Variants in KIF26A observed in about 807,000 individuals in gnomAD.
The protein encoded by KIF26A is kinesin-like protein KIF26A.
A neutral mutation model predicts 126.0 loss-of-function variants in KIF26A; 74 were observed. The ratio of observed to expected loss-of-function variants is 0.59; its 90% confidence interval spans 0.49 to 0.71. The LOEUF (loss-of-function observed/expected upper bound fraction) is 0.71, where lower values mean the gene tolerates loss of function less well. Among genes scored for constraint, KIF26A ranks in the 30% least tolerant of loss-of-function variants. KIF26A has a pLI of 0.00. For synonymous variants in KIF26A, 1,445 were observed against 1,232.7 expected, an observed-to-expected ratio of 1.17 and a Z score of -3.61; for missense variants, 2,984 against 2,763.3, an observed-to-expected ratio of 1.08 and a Z score of -1.79.
intron 5 of KIF26A, among the ~76,000 whole-genome samples, chr14:104,169,816 G>A (rs2037940458): frequency 6.6e-6 from 1 of 152,188 alleles, no homozygotes. Context: ...TTCTCTCCCA[G>A]GCAGCTATTC....
At chr14:104,160,373 G>T (rs1286185454) in intron 4 of KIF26A, among the ~76,000 whole-genome samples, 1 of 152,198 alleles carries the variant, frequency 6.6e-6, no homozygotes, top group Non-Finnish European at 1.5e-5. Context: ...GATCCTTTCA[G>T]TGGCCTCTGG....
In KIF26A at chr14:104,172,585, G is replaced by A; in HGVS notation, c.1337G>A (p.Cys446Tyr). 2 of 1,612,760 alleles carry A rather than the reference G, an allele frequency of 1.2e-6. No individual in the cohort carries two copies. Among genetic ancestry groups the A allele is most frequent in the Non-Finnish European group, 1.7e-6 (2 of 1,179,568 alleles). ...CTCTTGCCCCCCTAGGCCGAAGTCT[G>A]CTCGGGGACCGTGGCCGACGTGCTC... The part of the protein sequence containing the change: ...FPQDSEQAEV[C>Y]SGTVADVLQS... The change falls in exon 7 of 15, where the codon TGC becomes TAC. Residue 446 changes from cysteine to tyrosine, a missense_variant. Coordinates refer to ENST00000423312, the MANE Select transcript of KIF26A (RefSeq NM_015656.2).
At chr14:104,164,969 G>A (rs1439714492) in intron 4 of KIF26A, among the ~76,000 whole-genome samples, 1 of 151,772 alleles carries the variant, frequency 6.6e-6, no homozygotes, top group African/African-American at 2.4e-5. Context: ...GTGTCTCTAT[G>A]TGTGCGTCTC....
At position 104,175,573 on chromosome 14, in the gene KIF26A, G is replaced by A. The variant is rs745701613; in HGVS notation, c.2785G>A (p.Ala929Thr). ...VWGDQREDSS[A>T]WPELLVPEKA... ...GGGTGACCAGAGAGAGGACAGCAGCGCTTGGCCTGAGCTGCTGGTCCCGGA... is the reference window on the plus strand; with the variant it reads ...GGGTGACCAGAGAGAGGACAGCAGCACTTGGCCTGAGCTGCTGGTCCCGGA... The change falls in exon 12 of 15, where the codon GCT (alanine) becomes ACT (threonine). Residue 929 changes from alanine (A) to threonine (T), a missense_variant. By Grantham distance (58) the Ala-to-Thr change is moderately conservative (BLOSUM62 0). Transcript: ENST00000423312. The A allele has an allele frequency of 2.5e-6, 4 of 1,607,438 alleles. No homozygotes were observed. Among genetic ancestry groups the A allele is most frequent in the Non-Finnish European group, 3.4e-6 (4 of 1,179,518 alleles).
chr14:104,178,542 C>T lies in KIF26A; in HGVS notation c.5111-8C>T, dbSNP rs370010994. 699 of 1,450,968 alleles carry T rather than the reference C, an allele frequency of 4.8e-4. No individual in the cohort carries two copies. The highest frequency in any genetic ancestry group is 5.5e-4 in the Non-Finnish European group (604 of 1,099,628). 89.9% of individuals were successfully genotyped at this position (1,450,968 alleles called of 1,614,324 possible). On this transcript the variant is annotated splice_region_variant and splice_polypyrimidine_tract_variant and intron_variant, in intron 12 of 14. Transcript: ENST00000423312. ...TCTGTTCACCCTGTGCCCGGCTCTC[C>T]GTTCCAGGTCTGCAGCGGCGGCGCC...
In KIF26A at chr14:104,152,536, C is replaced by A; in HGVS notation, c.735+75C>A. The stretch of plus-strand genomic sequence containing the variant: ...TGGGCTTCCTTCGGGGGTCTCTGTC[C>A]ACGTTGAGTGCCCTGCAGTAAGGCT... On this transcript the variant is annotated intron_variant, in intron 3 of 14. Transcript: ENST00000423312. The surrounding 1 kb of genome is among the most constrained non-coding windows in gnomAD (Gnocchi z 5.9). 7.2e-7 allele frequency: 1 copy of A among 1,382,060 alleles called. No individual in the cohort carries two copies. Among genetic ancestry groups the A allele is most frequent in the Non-Finnish European group, 9.6e-7 (1 of 1,036,594 alleles). 85.6% of individuals were successfully genotyped at this position (1,382,060 alleles called of 1,614,324 possible).
rs771349955 is a variant in KIF26A at position 104,177,163 on chromosome 14, C to T, written c.4375C>T (p.Pro1459Ser). ...GGGCCGGGAAGCCCCTGGGCGGCCT[C>T]CCCGGGCTGTACCCAAGCTGGGTGT... Reference protein sequence around the residue: ...SKGREAPGRPPRAVPKLGVPP... With the variant: ...SKGREAPGRPSRAVPKLGVPP... The change falls in exon 12 of 15, where the codon CCC becomes TCC. Residue 1459 changes from proline to serine, a missense_variant. Physicochemically the swap from Pro to Ser is moderately conservative, Grantham distance 74. Coordinates refer to ENST00000423312, the MANE Select transcript of KIF26A (RefSeq NM_015656.2). The T allele has an allele frequency of 1.9e-6, 3 of 1,597,384 alleles. No homozygotes were observed. The highest frequency in any genetic ancestry group is 2.5e-6 in the Non-Finnish European group (3 of 1,179,078).
intron 5 of KIF26A, among the ~76,000 whole-genome samples, 197 bp from the exon 6 acceptor site, chr14:104,171,526 C>A (rs1207360063): frequency 6.6e-6 from 1 of 152,242 alleles, no homozygotes; most frequent in East Asian, 1.9e-4. Flanking sequence ...CTGGCCCTCA[C>A]CTTCTCCCTG....
At chr14:104,169,240 C>T (rs376951156) in intron 5 of KIF26A, among the ~76,000 whole-genome samples, 2 of 152,352 alleles carry the variant, frequency 1.3e-5, no homozygotes, top group South Asian at 2.1e-4. Flanking sequence ...CATCCAGGTT[C>T]CCCGCCCAGC....
rs767202398 is a variant in KIF26A at position 104,175,886 on chromosome 14, T to C, written c.3098T>C (p.Val1033Ala). ...PVELNGEDEL[V>A]FTVVEELSLG... ...GAGCTCAACGGCGAGGACGAGCTGG[T>C]GTTCACGGTGGTGGAGGAGCTGTCC... The change falls in exon 12 of 15, where the codon GTG (valine) becomes GCG (alanine). Residue 1033 changes from valine to alanine, a missense_variant. Val to Ala is a moderately conservative substitution (Grantham distance 64). Transcript: ENST00000423312. 1 of 1,541,502 alleles carries C rather than the reference T, an allele frequency of 6.5e-7. No homozygotes were observed. Among genetic ancestry groups the C allele is most frequent in the Admixed American group, 1.9e-5 (1 of 51,538 alleles).
chr14:104,138,953 A>G (rs1177776612), intron 1 of KIF26A, 90 bp from the exon 2 acceptor site: 2 of 1,302,242 alleles, frequency 1.5e-6, no homozygotes, highest in African/African-American at 3.1e-5. Context: ...TAACTTTGGC[A>G]AGAGCGTCAC....
chr14:104,149,166 A>G (rs1434359262), intron 2 of KIF26A, among the ~76,000 whole-genome samples: 2 of 152,138 alleles, frequency 1.3e-5, no homozygotes, highest in Admixed American at 1.3e-4. Flanking sequence ...GTCTCGCATA[A>G]GTGACTAGGG....
chr14:104,149,452 C>T lies in KIF26A; in HGVS notation c.289-2563C>T, dbSNP rs1004399467. ...CTGTTGCTGAGCAGGTGACCAGCAG[C>T]CTCGGCTTGTCCCCAGTGGGGGCTT... On this transcript the variant is annotated intron_variant, in intron 2 of 14. Coordinates refer to ENST00000423312, the MANE Select transcript of KIF26A (RefSeq NM_015656.2). Among the ~76,000 whole-genome samples, 3 of 152,204 alleles carry T rather than the reference C, an allele frequency of 2.0e-5. No homozygotes were observed. In the South Asian group the frequency reaches 6.2e-4, roughly 31 times the overall value.
Position 104,179,905 on chromosome 14 carries a change from G to C in KIF26A, c.*115G>C. On this transcript the variant is annotated 3_prime_UTR_variant, in exon 15 of 15. Transcript: ENST00000423312. ...GAGGATGCGGAGGGGTTTCTGTGCAGGACGGGAGTCTCAGAGAGGAGACGG... is the reference window on the plus strand; with the variant it reads ...GAGGATGCGGAGGGGTTTCTGTGCACGACGGGAGTCTCAGAGAGGAGACGG... The C allele has an allele frequency of 8.9e-7, 1 of 1,117,610 alleles. No homozygotes were observed. The allele number at this position is 1,117,610 out of a possible 1,614,324, so 69.2% of individuals were successfully genotyped here. A position where few individuals can be genotyped will look rare whatever the true frequency, so the allele number is the denominator to read the frequency against.
chr14:104,164,751 G>A (rs1222677121), intron 4 of KIF26A, among the ~76,000 whole-genome samples: 2 of 150,362 alleles, frequency 1.3e-5, no homozygotes, highest in African/African-American at 4.9e-5. Context: ...GCGTGTCTGT[G>A]TGTGTGCGCG....
Position 104,152,405 on chromosome 14 carries a change from C to G in KIF26A, c.679C>G (p.Leu227Val), listed in dbSNP as rs45472297. ...GGTCACCATCCAGGCCCAGCAGTGC[C>G]TGGAGGGCATGTGGAGTGTCTCGCG... Reference protein sequence around the residue: ...STVTIQAQQCLEGMWSVSRVN... With the variant: ...STVTIQAQQCVEGMWSVSRVN... The change falls in exon 3 of 15, where the codon CTG becomes GTG. Residue 227 changes from leucine to valine, a missense_variant. Transcript: ENST00000423312. This position sits in a 1 kb window ranked among gnomAD's most constrained non-coding sequence, Gnocchi z 5.9. 0.017 allele frequency: 27,838 copies of G among 1,599,210 alleles called. 302 individuals carry two copies. Among genetic ancestry groups the G allele is most frequent in the Middle Eastern group, 0.037 (220 of 5,868 alleles).
chr14:104,141,047 G>A (rs765985793), intron 2 of KIF26A, among the ~76,000 whole-genome samples: 3 of 152,214 alleles, frequency 2.0e-5, no homozygotes, highest in Non-Finnish European at 4.4e-5. Flanking sequence ...GCCATCCTGG[G>A]GCCTTACGGG....
rs772703669 is a variant in KIF26A, at chr14:104,176,049, C to G, written c.3261C>G (p.Thr1087=). 2 of 1,596,026 alleles carry G rather than the reference C, an allele frequency of 1.3e-6. No individual in the cohort carries two copies. Among genetic ancestry groups the G allele is most frequent in the Non-Finnish European group, 8.5e-7 (1 of 1,175,182 alleles). ...TCAATGATGAGTTTGACGCCTACACCTCTCAGGCCCCTGAGGGGGGGCCCC... is the reference window on the plus strand; with the variant it reads ...TCAATGATGAGTTTGACGCCTACACGTCTCAGGCCCCTGAGGGGGGGCCCC... The part of the protein sequence containing the change: ...SSINDEFDAY[T]SQAPEGGPLE... The change falls in exon 12 of 15, where the codon ACC becomes ACG. Residue 1087 remains threonine, a synonymous_variant. Transcript: ENST00000423312.
At position 104,152,808 on chromosome 14, in the gene KIF26A, T is replaced by A. The variant is rs1304917778; in HGVS notation, c.735+347T>A. Among the ~76,000 whole-genome samples the A allele has an allele frequency of 1.0e-5, 1 of 99,948 alleles. No homozygotes were observed. Among genetic ancestry groups the A allele is most frequent in the Non-Finnish European group, 2.2e-5 (1 of 45,330 alleles). 65.6% of individuals were successfully genotyped at this position (99,948 alleles called of 152,430 possible). On this transcript the variant is annotated intron_variant, in intron 3 of 14. Coordinates refer to ENST00000423312, the MANE Select transcript of KIF26A (RefSeq NM_015656.2). The surrounding 1 kb of genome is among the most constrained non-coding windows in gnomAD (Gnocchi z 5.9). ...TGTAGATCGGGGCTCACGAGGCAGA[T>A]GGAGTAGGAGGGCCCTTGTGGCAGA...
Sources: allele counts gnomAD v4.1 joint callset (sites outside exome capture counted in the v4.1 genomes callset), GRCh38; gene constraint gnomAD v4.1.1; non-coding constraint Gnocchi (gnomAD v3.1); transcripts MANE v1.5; gene names NCBI Gene and HGNC (gene_info 2026-07-23, HGNC 2026-07-21).